The following SNX27 variants were observed in gnomAD, a reference collection of about 807,000 sequenced individuals.
SNX27 encodes the protein sorting nexin 27.
In SNX27, 22 loss-of-function variants were observed where a neutral mutation model predicts 71.6. That is an observed-to-expected ratio of 0.31 (90% confidence interval 0.22 to 0.44). SNX27 has a LOEUF of 0.44. Among genes scored for constraint, SNX27 ranks in the 20% least tolerant of loss-of-function variants. The pLI, the probability that SNX27 is intolerant of heterozygous loss-of-function variation, is 1.00. For synonymous variants in SNX27, 269 were observed against 277.2 expected, an observed-to-expected ratio of 0.97 and a Z score of 0.29; for missense variants, 531 against 698.6, an observed-to-expected ratio of 0.76 and a Z score of 2.70.
intron 1 of SNX27, among the ~76,000 whole-genome samples, chr1:151,624,414 T>TAC (rs927870161): frequency 6.9e-6 from 1 of 144,480 alleles, no homozygotes; most frequent in African/African-American, 2.5e-5. Flanking sequence ...TGATTTTATA[T>TAC]ATATATATAT....
intron 2 of SNX27, among the ~76,000 whole-genome samples, chr1:151,642,312 G>A (rs1208389848): frequency 1.3e-5 from 2 of 151,510 alleles, no homozygotes; most frequent in Admixed American, 6.6e-5. Flanking sequence ...ACTTGAACCC[G>A]GGAGGCTGAC....
At chr1:151,650,997 ACTT>A (rs1669312400) in intron 2 of SNX27, among the ~76,000 whole-genome samples, 1 of 152,146 alleles carries the variant, frequency 6.6e-6, no homozygotes, top group Non-Finnish European at 1.5e-5. Context: ...TCCCATGTCT[ACTT>A]CTTTCTACAC....
At chr1:151,656,604 T>C (rs1172744770) in intron 2 of SNX27, among the ~76,000 whole-genome samples, 2 of 152,234 alleles carry the variant, frequency 1.3e-5, no homozygotes, top group Non-Finnish European at 2.9e-5. Context: ...ACTCTGCAGT[T>C]CACTCAGGGT....
At chr1:151,693,356 G>A (rs1047608960) in intron 10 of SNX27, 68 bp from the exon 11 acceptor site, 2 of 1,473,638 alleles carry the variant, frequency 1.4e-6, no homozygotes, top group Non-Finnish European at 1.9e-6. Flanking sequence ...GGGGACAGGA[G>A]TTCAAAGGCA....
At chr1:151,649,992 A>G (rs1055495144) in intron 2 of SNX27, among the ~76,000 whole-genome samples, 3 of 152,014 alleles carry the variant, frequency 2.0e-5, no homozygotes, top group African/African-American at 7.3e-5. Flanking sequence ...GGGTCAAGCA[A>G]TTCTCCTGCC....
chr1:151,683,305 A>C, intron 7 of SNX27, 51 bp from the exon 8 acceptor site: 1 of 1,442,850 alleles, frequency 6.9e-7, no homozygotes, highest in Non-Finnish European at 9.6e-7. Context: ...GAGAATGTAC[A>C]TAATAATGAT....
At chr1:151,633,440 G>T (rs1474235821) in intron 1 of SNX27, among the ~76,000 whole-genome samples, 1 of 152,030 alleles carries the variant, frequency 6.6e-6, no homozygotes, top group African/African-American at 2.4e-5. Flanking sequence ...AGGACTGCAG[G>T]CCTGCTCCAG....
At chr1:151,649,831 G>A (rs929285313) in intron 2 of SNX27, among the ~76,000 whole-genome samples, 7 of 151,928 alleles carry the variant, frequency 4.6e-5, no homozygotes, top group African/African-American at 1.7e-4. Context: ...TCAGCCTTCC[G>A]AGTAGCTGGA....
chr1:151,614,841 C>T (rs1452743738), intron 1 of SNX27, among the ~76,000 whole-genome samples: 1 of 152,158 alleles, frequency 6.6e-6, no homozygotes, highest in Admixed American at 6.5e-5. Flanking sequence ...GGAACTAAAC[C>T]AAAAAGAATA....
In SNX27 at chr1:151,619,794, A is replaced by C. The variant is rs1220871867; in HGVS notation, c.311+7282A>C. Among the ~76,000 whole-genome samples the C allele has an allele frequency of 3.3e-5, 5 of 152,280 alleles. No individual in the cohort carries two copies. In the East Asian group the frequency reaches 9.6e-4, roughly 29 times the overall value. On this transcript the variant is annotated intron_variant, in intron 1 of 11. Transcript: ENST00000458013. ...TACTTCATACTCAGTTTGGTTCCAC[A>C]AGTAAGCACACACTGTATATAAAGA...
intron 7 of SNX27, chr1:151,675,951 C>G (rs1175138145): frequency 6.8e-6 from 1 of 147,916 alleles, no homozygotes; most frequent in African/African-American, 2.5e-5. Flanking sequence ...CTTAGCCTCC[C>G]AAGTAGCTAG....
At chr1:151,671,556 G>A (rs1428393980) in intron 7 of SNX27, among the ~76,000 whole-genome samples, 1 of 151,832 alleles carries the variant, frequency 6.6e-6, no homozygotes, top group Non-Finnish European at 1.5e-5. Context: ...CTTTTTCTTA[G>A]GATATCTTTG....
At position 151,693,756 on chromosome 1, in the gene SNX27, C is replaced by T; in HGVS notation, c.1578+273C>T. The T allele has an allele frequency of 2.0e-6, 3 of 1,520,548 alleles. No homozygotes were observed. In the South Asian group the frequency reaches 3.8e-5, roughly 19 times the overall value. The allele number at this position is 1,520,548 out of a possible 1,614,324, so 94.2% of individuals were successfully genotyped here. On this transcript the variant is annotated intron_variant, in intron 11 of 11. Transcript: ENST00000458013. ...TTCCATCTCTCATGACTTCATGGAC[C>T]CTCCTCTGCCAGTTTTTTAAATCAG...
At chr1:151,651,273 C>T (rs868252544) in intron 2 of SNX27, among the ~76,000 whole-genome samples, 4 of 149,926 alleles carry the variant, frequency 2.7e-5, no homozygotes, top group South Asian at 2.1e-4. Flanking sequence ...GCTGGCCTGG[C>T]GGGAGGCTGA....
At chr1:151,640,244 A>G (rs1668662364) in intron 2 of SNX27, among the ~76,000 whole-genome samples, 1 of 152,210 alleles carries the variant, frequency 6.6e-6, no homozygotes, top group South Asian at 2.1e-4. Context: ...TAAGGCATGT[A>G]AGAAGTTGAA....
At chr1:151,632,303 A>C (rs1484697715) in intron 1 of SNX27, among the ~76,000 whole-genome samples, 1 of 151,748 alleles carries the variant, frequency 6.6e-6, no homozygotes, top group Non-Finnish European at 1.5e-5. Flanking sequence ...GATTACAGGC[A>C]TGCGCCACCA....
intron 3 of SNX27, among the ~76,000 whole-genome samples, chr1:151,659,057 G>C (rs1248636218): frequency 6.6e-6 from 1 of 152,132 alleles, no homozygotes; most frequent in African/African-American, 2.4e-5. Context: ...GCAATATTAA[G>C]ACATTTTAAA....
intron 7 of SNX27, among the ~76,000 whole-genome samples, chr1:151,682,412 C>G (rs1671007937): frequency 6.6e-6 from 1 of 152,156 alleles, no homozygotes; most frequent in Non-Finnish European, 1.5e-5. Context: ...ACCTCTGCCT[C>G]CTGGGTTCAA....
chr1:151,668,700 GCCAATT>G, intron 7 of SNX27, 65 bp downstream of exon 7: 1 of 1,476,666 alleles, frequency 6.8e-7, no homozygotes, highest in Non-Finnish European at 9.2e-7. Context: ...TTGGTACTTT[GCCAATT>G]CCCTGTAAAT....
Sources: allele counts gnomAD v4.1 joint callset (sites outside exome capture counted in the v4.1 genomes callset), GRCh38; gene constraint gnomAD v4.1.1; transcripts MANE v1.5; gene names NCBI Gene and HGNC (gene_info 2026-07-23, HGNC 2026-07-21).